The following SORCS3 variants were observed in gnomAD, a reference collection of about 807,000 sequenced individuals.
SORCS3 encodes sortilin related VPS10 domain containing receptor 3.
Under a neutral mutation model 146.3 loss-of-function variants are expected in SORCS3, and 57 were observed. The observed-to-expected ratio is 0.39, with a 90% CI of 0.31 to 0.49. SORCS3 has a LOEUF of 0.49. Ranked by LOEUF, SORCS3 falls within the 20% of genes least tolerant of loss-of-function variation. The pLI is 0.92. For synonymous variants in SORCS3, 653 were observed against 618.5 expected (o/e 1.06, Z -0.83); for missense variants, 1,341 against 1,575.5 (o/e 0.85, Z 2.52).
intron 15 of SORCS3, 70 bp downstream of exon 15, chr10:105,200,186 A>G: frequency 7.6e-6 from 9 of 1,189,772 alleles, no homozygotes; most frequent in Non-Finnish European, 1.1e-5. Context: ...ACTGGGTCTT[A>G]TCTGAGCCTT....
intron 2 of SORCS3, among the ~76,000 whole-genome samples, chr10:104,892,008 G>T (rs1360729906): frequency 1.3e-5 from 2 of 152,178 alleles, no homozygotes; most frequent in East Asian, 3.8e-4. Context: ...CTCTAAATAG[G>T]TTTGTGACCC....
chr10:104,925,162 G>C (rs1488170799), intron 3 of SORCS3, among the ~76,000 whole-genome samples: 3 of 152,128 alleles, frequency 2.0e-5, no homozygotes, highest in African/African-American at 7.2e-5. Flanking sequence ...TGCGATGTTT[G>C]ATTTTCTGTT....
chr10:105,223,641 CCAAAATTAAA>C (rs767230716), intron 20 of SORCS3, among the ~76,000 whole-genome samples: 5 of 152,096 alleles, frequency 3.3e-5, no homozygotes, highest in Non-Finnish European at 4.4e-5. Flanking sequence ...TGTAGGGTTG[CCAAAATTAAA>C]CAAGATAACC....
intron 19 of SORCS3, 144 bp from the exon 20 acceptor site, chr10:105,222,972 C>A: frequency 2.5e-6 from 2 of 810,946 alleles, no homozygotes; most frequent in Non-Finnish European, 3.7e-6. Context: ...AGCGTGTATA[C>A]ACACCTCCCA....
intron 7 of SORCS3, among the ~76,000 whole-genome samples, chr10:105,122,627 C>A (rs2055942640): frequency 6.6e-6 from 1 of 152,198 alleles, no homozygotes; most frequent in Non-Finnish European, 1.5e-5. Context: ...GAGAACGTGT[C>A]AGTCCTCATT....
chr10:105,242,160 A>G (rs1195473741), intron 20 of SORCS3, among the ~76,000 whole-genome samples: 1 of 150,662 alleles, frequency 6.6e-6, no homozygotes, highest in Non-Finnish European at 1.5e-5. Context: ...TTCCTAAATC[A>G]TTCTACCATT....
intron 13 of SORCS3, among the ~76,000 whole-genome samples, chr10:105,167,886 A>G (rs1204352654): frequency 6.6e-6 from 1 of 152,162 alleles, no homozygotes; most frequent in African/African-American, 2.4e-5. Context: ...GAGTGGGTAC[A>G]AGGAGAAACC....
intron 2 of SORCS3, among the ~76,000 whole-genome samples, chr10:104,876,178 G>A (rs2018569408): frequency 6.6e-6 from 1 of 152,086 alleles, no homozygotes; most frequent in Non-Finnish European, 1.5e-5. Flanking sequence ...AGTCACTAAG[G>A]GCAATAAACA....
At chr10:104,883,426 A>G (rs2018650005) in intron 2 of SORCS3, among the ~76,000 whole-genome samples, 1 of 152,194 alleles carries the variant, frequency 6.6e-6, no homozygotes, top group South Asian at 2.1e-4. Context: ...AGTGCCTTTG[A>G]GCAAAGGCTA....
intron 4 of SORCS3, among the ~76,000 whole-genome samples, chr10:104,982,245 G>A (rs933127650): frequency 2.6e-5 from 4 of 151,578 alleles, no homozygotes; most frequent in African/African-American, 4.9e-5. Flanking sequence ...ACTGGGGCAG[G>A]TGCTGGAGTG....
At chr10:104,843,301 A>G (rs1457886094) in intron 2 of SORCS3, among the ~76,000 whole-genome samples, 1 of 152,144 alleles carries the variant, frequency 6.6e-6, no homozygotes, top group Non-Finnish European at 1.5e-5. Flanking sequence ...GGGGACAGAT[A>G]CACATGGGAA....
chr10:104,951,554 A>G (rs1449308494), intron 3 of SORCS3, among the ~76,000 whole-genome samples: 1 of 152,058 alleles, frequency 6.6e-6, no homozygotes, highest in East Asian at 1.9e-4. Context: ...TATGTTGCCC[A>G]GCCTGGTCTC....
At chr10:105,211,102 T>C (rs374468181) in intron 16 of SORCS3, 35 bp from the exon 17 acceptor site, 67 of 1,473,488 alleles carry the variant, frequency 4.5e-5, no homozygotes, top group Non-Finnish European at 4.0e-5. Flanking sequence ...CGTTTGTACA[T>C]ATATACTACT....
At chr10:105,159,689 T>G (rs531390338) in intron 11 of SORCS3, among the ~76,000 whole-genome samples, 12 of 152,310 alleles carry the variant, frequency 7.9e-5, no homozygotes, top group African/African-American at 2.9e-4. Flanking sequence ...AGCTCCGGTG[T>G]TGGTCAGCTT....
chr10:104,901,575 A>G (rs940752071), intron 2 of SORCS3, among the ~76,000 whole-genome samples: 2 of 152,034 alleles, frequency 1.3e-5, no homozygotes, highest in African/African-American at 4.8e-5. Context: ...CCTAACTACC[A>G]TCTCCCCCTC....
intron 11 of SORCS3, among the ~76,000 whole-genome samples, chr10:105,159,401 C>T (rs528030911): frequency 1.2e-4 from 18 of 152,278 alleles, no homozygotes; most frequent in Admixed American, 5.9e-4. Flanking sequence ...GGGTTCCATC[C>T]CAGAGCTGTT....
intron 2 of SORCS3, among the ~76,000 whole-genome samples, chr10:104,915,334 C>T (rs936916787): frequency 6.6e-6 from 1 of 152,132 alleles, no homozygotes; most frequent in African/African-American, 2.4e-5. Flanking sequence ...GTTTTCTGGG[C>T]ACTTCCTACC....
intron 4 of SORCS3, among the ~76,000 whole-genome samples, chr10:104,998,319 A>G (rs755017314): frequency 1.3e-5 from 2 of 152,092 alleles, no homozygotes; most frequent in Non-Finnish European, 2.9e-5. Flanking sequence ...CATTTTCTGT[A>G]CATTGAAAAT....
At chr10:105,032,348 G>A (rs149016618) in intron 4 of SORCS3, among the ~76,000 whole-genome samples, 143 of 152,200 alleles carry the variant, frequency 9.4e-4, no homozygotes, top group African/African-American at 3.3e-3. Flanking sequence ...AAGTGTGGAC[G>A]GAAATCACCA....
Sources: gnomAD v4.1 joint callset for allele counts (sites outside exome capture counted in the v4.1 genomes callset) on GRCh38, gnomAD v4.1.1 for gene constraint, MANE v1.5 for transcripts, NCBI Gene and HGNC (gene_info 2026-07-23, HGNC 2026-07-21) for gene names.